Variants in NFATC3 observed in about 807,000 individuals in gnomAD.
NFATC3 encodes nuclear factor of activated T-cells, cytoplasmic 3.
Under a neutral mutation model 98.6 loss-of-function variants are expected in NFATC3, and 46 were observed. That is an observed-to-expected ratio of 0.47 (90% CI 0.37 to 0.60). NFATC3 has a LOEUF of 0.60. Ranked by LOEUF, NFATC3 falls within the 20% of genes least tolerant of loss-of-function variation. The probability of loss-of-function intolerance (pLI) is 0.00; values close to 1 mark genes in which losing one functional copy is unlikely to be tolerated. For synonymous variants in NFATC3, 512 were observed against 472.2 expected (o/e 1.08, Z -1.09); for missense variants, 1,256 against 1,295.5 (o/e 0.97, Z 0.47).
chr16:68,199,254 C>T (rs1487861120), intron 9 of NFATC3, among the ~76,000 whole-genome samples: 13 of 149,636 alleles, frequency 8.7e-5, no homozygotes, highest in Admixed American at 3.3e-4. Flanking sequence ...GACAGAGTCT[C>T]GCTCTGTCGC....
intron 9 of NFATC3, among the ~76,000 whole-genome samples, chr16:68,192,685 C>T (rs979642694): frequency 6.6e-6 from 1 of 151,954 alleles, no homozygotes; most frequent in East Asian, 1.9e-4. Context: ...ATGGCAGAAC[C>T]CCATGTCTAC....
intron 9 of NFATC3, among the ~76,000 whole-genome samples, chr16:68,202,236 A>T (rs1393676593): frequency 1.3e-5 from 2 of 152,056 alleles, no homozygotes; most frequent in Non-Finnish European, 2.9e-5. Context: ...GTGCAGTAAC[A>T]TGCTGATCCT....
At chr16:68,148,086 G>A (rs2038128003) in intron 3 of NFATC3, among the ~76,000 whole-genome samples, 1 of 151,974 alleles carries the variant, frequency 6.6e-6, no homozygotes, top group Admixed American at 6.6e-5. Context: ...CGCGATCTCG[G>A]CTCACTGCAA....
chr16:68,211,713 G>T (rs966075176), intron 9 of NFATC3, among the ~76,000 whole-genome samples: 1 of 151,414 alleles, frequency 6.6e-6, no homozygotes, highest in African/African-American at 2.4e-5. Context: ...GTAGAGACGG[G>T]GTTTCACCAT....
At position 68,227,563 on chromosome 16, in the gene NFATC3, C is replaced by T. The variant is rs1361409402; in HGVS notation, c.*1092C>T. On this transcript the variant is annotated 3_prime_UTR_variant, in exon 10 of 10. Transcript: ENST00000346183. ...TTAAGAGTCACACTGGCATGGAAGG[C>T]TTATCTGCCATTCTATTTATAGCCT... The T allele has an allele frequency of 1.3e-5, 2 of 152,226 alleles. No individual in the cohort carries two copies. Among genetic ancestry groups the T allele is most frequent in the Non-Finnish European group, 2.9e-5 (2 of 68,060 alleles). The allele number at this position is 152,226 out of a possible 1,614,324, so 9.4% of individuals were successfully genotyped here.
intron 1 of NFATC3, among the ~76,000 whole-genome samples, chr16:68,121,242 CTTTTTTT>C (rs753615194): frequency 2.9e-5 from 3 of 102,392 alleles, no homozygotes; most frequent in African/African-American, 7.8e-5. Context: ...CTTTTCTTTT[CTTTTTTT>C]TTTTTTTTTT....
At chr16:68,161,648 G>T (rs1446714830) in intron 4 of NFATC3, among the ~76,000 whole-genome samples, 1 of 152,146 alleles carries the variant, frequency 6.6e-6, no homozygotes, top group East Asian at 1.9e-4. Flanking sequence ...TTGGCTTCCA[G>T]AACTTCATAG....
chr16:68,146,416 A>G (rs1344202559), intron 3 of NFATC3, among the ~76,000 whole-genome samples: 1 of 152,124 alleles, frequency 6.6e-6, no homozygotes, highest in Admixed American at 6.6e-5. Flanking sequence ...AAAAGAAAAA[A>G]AAAAAGGATT....
intron 3 of NFATC3, among the ~76,000 whole-genome samples, chr16:68,133,461 A>G (rs781592068): frequency 1.3e-5 from 2 of 152,230 alleles, no homozygotes; most frequent in Non-Finnish European, 2.9e-5. Context: ...ATATCAATAA[A>G]GTATACAAAC....
chr16:68,187,925 T>C (rs540602439), intron 8 of NFATC3, among the ~76,000 whole-genome samples: 1 of 152,244 alleles, frequency 6.6e-6, no homozygotes, highest in Non-Finnish European at 1.5e-5. Context: ...CCCAGGAACC[T>C]GTCTGCCTCC....
chr16:68,140,451 A>C (rs1257877356), intron 3 of NFATC3, among the ~76,000 whole-genome samples: 1 of 152,190 alleles, frequency 6.6e-6, no homozygotes, highest in African/African-American at 2.4e-5. Flanking sequence ...TGGATATTTC[A>C]ATTTAAATTA....
chr16:68,176,844 T>A (rs985279137), intron 6 of NFATC3, among the ~76,000 whole-genome samples: 1 of 152,170 alleles, frequency 6.6e-6, no homozygotes, highest in Non-Finnish European at 1.5e-5. Flanking sequence ...ACAGTATCTG[T>A]TGAGTACTCT....
chr16:68,200,791 TA>T (rs1328434426), intron 9 of NFATC3: 1 of 152,222 alleles, frequency 6.6e-6, no homozygotes, highest in African/African-American at 2.4e-5. Context: ...ATTTTACTCA[TA>T]TTTACAATTC....
chr16:68,101,285 A>T (rs1028402997), intron 1 of NFATC3, among the ~76,000 whole-genome samples: 2 of 151,924 alleles, frequency 1.3e-5, no homozygotes, highest in African/African-American at 4.8e-5. Flanking sequence ...CTGGAACCAC[A>T]GGTGTGCACC....
chr16:68,192,222 A>ATATAT (rs2040442095), intron 9 of NFATC3: 4 of 71,672 alleles, frequency 5.6e-5, no homozygotes, highest in African/African-American at 1.5e-4. Context: ...AAAAAAAAAA[A>ATATAT]AAAAAAAAAT....
At chr16:68,209,546 G>C (rs1459272797) in intron 9 of NFATC3, 1 of 305,578 alleles carries the variant, frequency 3.3e-6, no homozygotes, top group East Asian at 8.7e-5. Flanking sequence ...CCTCACCCAT[G>C]ATGGCCTAGC....
intron 1 of NFATC3, among the ~76,000 whole-genome samples, chr16:68,089,980 C>T (rs1027439968): frequency 1.3e-5 from 2 of 151,908 alleles, no homozygotes; most frequent in Admixed American, 6.6e-5. Context: ...GAAGTTTACT[C>T]GATGATAAGA....
intron 5 of NFATC3, among the ~76,000 whole-genome samples, chr16:68,171,256 G>T (rs1284069056): frequency 6.6e-6 from 1 of 152,046 alleles, no homozygotes; most frequent in Non-Finnish European, 1.5e-5. Flanking sequence ...TGATCTGCCG[G>T]CCTTGGTCTC....
At chr16:68,179,340 C>T (rs2039858937) in intron 6 of NFATC3, among the ~76,000 whole-genome samples, 1 of 152,192 alleles carries the variant, frequency 6.6e-6, no homozygotes, top group Non-Finnish European at 1.5e-5. Flanking sequence ...GAAGGCAGGG[C>T]ATCCTGTCTC....
Sources: allele counts gnomAD v4.1 joint callset (sites outside exome capture counted in the v4.1 genomes callset), GRCh38; gene constraint gnomAD v4.1.1; transcripts MANE v1.5; gene names NCBI Gene and HGNC (gene_info 2026-07-23, HGNC 2026-07-21).